Variants in KYAT3 observed in about 807,000 individuals in gnomAD.
KYAT3 encodes kynurenine aminotransferase 3.
KYAT3 carries 50 observed loss-of-function variants against 59.0 expected under a neutral mutation model. The observed-to-expected ratio is 0.85, with a 90% CI of 0.68 to 1.07. The LOEUF (loss-of-function observed/expected upper bound fraction) is 1.07. KYAT3 is among the 50% of genes least tolerant of loss of function. The pLI is 0.00. For synonymous variants in KYAT3, 148 were observed against 177.0 expected (o/e 0.84, Z 1.30); for missense variants, 497 against 533.3 (o/e 0.93, Z 0.67).
At chr1:88,982,745 T>C (rs1412553067) in intron 2 of KYAT3, 1 of 1,613,950 alleles carries the variant, frequency 6.2e-7, no homozygotes, top group East Asian at 2.2e-5. Flanking sequence ...GCTGTAGGAA[T>C]CACGTGAAGA....
chr1:88,924,867 A>G, the KYAT3 span, among the ~76,000 whole-genome samples: 1 of 152,144 alleles, frequency 6.6e-6, no homozygotes, highest in South Asian at 2.1e-4. Context: ...TCCATAACCC[A>G]TGGCTTCTAA....
intron 8 of KYAT3, among the ~76,000 whole-genome samples, chr1:88,959,501 A>G (rs1050919952): frequency 2.7e-5 from 4 of 148,470 alleles, no homozygotes; most frequent in Non-Finnish European, 5.9e-5. Context: ...GGAATCCAGG[A>G]GGCAGAGGTT....
At chr1:88,944,393 C>G (rs2101019959) in intron 11 of KYAT3, among the ~76,000 whole-genome samples, 1 of 152,246 alleles carries the variant, frequency 6.6e-6, no homozygotes, top group African/African-American at 2.4e-5. Context: ...GCCCTAATAT[C>G]CTTTTACCTG....
chr1:88,948,157 G>T (rs1675522840), intron 11 of KYAT3, among the ~76,000 whole-genome samples: 1 of 145,490 alleles, frequency 6.9e-6, no homozygotes, highest in African/African-American at 2.5e-5. Context: ...CTATGTGAAG[G>T]ATGTAAAGTT....
intron 2 of KYAT3, among the ~76,000 whole-genome samples, chr1:88,985,992 C>A (rs1223267333): frequency 1.3e-5 from 2 of 151,616 alleles, no homozygotes; most frequent in Non-Finnish European, 2.9e-5. Context: ...ACCAGCCTGG[C>A]CAACATGGCA....
chr1:88,980,316 A>C (rs769556704), intron 2 of KYAT3: 2 of 152,636 alleles, frequency 1.3e-5, no homozygotes, highest in African/African-American at 2.4e-5. Context: ...ATAAAGCTGA[A>C]TTTAAAAAGC....
At chr1:88,952,449 C>G (rs982142786) in intron 10 of KYAT3, among the ~76,000 whole-genome samples, 4 of 151,972 alleles carry the variant, frequency 2.6e-5, no homozygotes, top group Non-Finnish European at 5.9e-5. Flanking sequence ...TAGCACCATC[C>G]CCTTGATGCT....
At chr1:88,967,475 T>C (rs1006040264) in intron 4 of KYAT3, among the ~76,000 whole-genome samples, 10 of 151,994 alleles carry the variant, frequency 6.6e-5, no homozygotes, top group East Asian at 1.9e-4. Context: ...ACTGACCTAA[T>C]AGTTCTTCCT....
At chr1:88,966,229 T>C (rs1037275879) in intron 4 of KYAT3, among the ~76,000 whole-genome samples, 1 of 152,140 alleles carries the variant, frequency 6.6e-6, no homozygotes, top group Non-Finnish European at 1.5e-5. Context: ...TAAGTGGGTA[T>C]GGTTGTGTTC....
chr1:88,931,768 C>T (rs1224016605), downstream of KYAT3, among the ~76,000 whole-genome samples: 3 of 146,104 alleles, frequency 2.1e-5, no homozygotes, highest in Non-Finnish European at 3.0e-5. Flanking sequence ...CCTGAGAGCA[C>T]AATGGGAAGG....
At chr1:88,968,618 C>T (rs1676432445) in intron 4 of KYAT3, 52 bp downstream of exon 4, 4 of 1,395,910 alleles carry the variant, frequency 2.9e-6, no homozygotes, top group Non-Finnish European at 3.8e-6. Flanking sequence ...CACAGACACA[C>T]ACCCCAGTAT....
the KYAT3 span, among the ~76,000 whole-genome samples, chr1:88,922,483 G>A: frequency 2.0e-5 from 3 of 152,166 alleles, no homozygotes; most frequent in African/African-American, 4.8e-5. Context: ...GGGTGAGCAA[G>A]CATTATTGCC....
rs1675414450 is a variant in KYAT3, at chr1:88,945,688, A to T, written c.1142-2265T>A. On this transcript the variant is annotated intron_variant, in intron 11 of 13. Coordinates refer to ENST00000260508, the MANE Select transcript of KYAT3 (RefSeq NM_001008661.3). The stretch of plus-strand genomic sequence containing the variant: ...GTAAAGGGAAGTCATTACTATTTTC[A>T]TGAATATTATGGTTTACTTTTATTC... Among the ~76,000 whole-genome samples the T allele has an allele frequency of 2.6e-5, 4 of 152,346 alleles. No individual in the cohort carries two copies. The South Asian group carries it at 8.3e-4, about 32-fold the overall frequency.
At chr1:88,968,178 A>G (rs1343828884) in intron 4 of KYAT3, among the ~76,000 whole-genome samples, 1 of 152,202 alleles carries the variant, frequency 6.6e-6, no homozygotes, top group East Asian at 1.9e-4. Flanking sequence ...GGTCAGACAT[A>G]TGATAATTGT....
intron 1 of KYAT3, among the ~76,000 whole-genome samples, chr1:88,989,487 G>A (rs919331527): frequency 2.0e-5 from 3 of 152,120 alleles, no homozygotes; most frequent in Non-Finnish European, 2.9e-5. Context: ...AGCAAGTAGC[G>A]GGAACCCTCT....
chr1:88,934,323 G>A (rs777349602), downstream of KYAT3, among the ~76,000 whole-genome samples: 3 of 152,032 alleles, frequency 2.0e-5, no homozygotes, highest in Non-Finnish European at 2.9e-5. Context: ...GTGTGGTGGC[G>A]CACACTTGTA....
At chr1:88,924,351 G>A in the KYAT3 span, among the ~76,000 whole-genome samples, 2 of 152,160 alleles carry the variant, frequency 1.3e-5, no homozygotes, top group Admixed American at 1.3e-4. Context: ...GCCAATGCTG[G>A]GACTTACATG....
chr1:88,984,004 C>CA, intron 2 of KYAT3: 1 of 529,100 alleles, frequency 1.9e-6, no homozygotes, highest in Non-Finnish European at 3.4e-6. Context: ...GCTATCCATT[C>CA]AAAAAACCAG....
chr1:88,928,134 A>G, the KYAT3 span, among the ~76,000 whole-genome samples: 1 of 152,212 alleles, frequency 6.6e-6, no homozygotes, highest in Non-Finnish European at 1.5e-5. Flanking sequence ...ACACAGGGAA[A>G]GGAAGAAAAT....
Sources: gnomAD v4.1 joint callset for allele counts (sites outside exome capture counted in the v4.1 genomes callset) on GRCh38, gnomAD v4.1.1 for gene constraint, MANE v1.5 for transcripts, NCBI Gene and HGNC (gene_info 2026-07-23, HGNC 2026-07-21) for gene names.